PHF7: variants seen among roughly 807,000 people sequenced by gnomAD.
The protein encoded by PHF7 is E3 ubiquitin-protein ligase PHF7.
A neutral mutation model predicts 47.5 loss-of-function variants in PHF7; 24 were observed. The ratio of observed to expected loss-of-function variants is 0.51; its 90% confidence interval spans 0.37 to 0.71. PHF7 has a LOEUF of 0.71. Among genes scored for constraint, PHF7 ranks in the 30% least tolerant of loss-of-function variants. The probability of loss-of-function intolerance (pLI) is 0.00; values close to 1 mark genes in which losing one functional copy is unlikely to be tolerated. For synonymous variants in PHF7, 156 were observed against 153.8 expected (o/e 1.01, Z -0.11); for missense variants, 361 against 456.8 (o/e 0.79, Z 1.91).
In PHF7 at chr3:52,419,971, C is replaced by T. The variant is rs772684452; in HGVS notation, c.288+37C>T. On this transcript the variant is annotated intron_variant, in intron 5 of 10. Coordinates refer to ENST00000327906, the MANE Select transcript of PHF7 (RefSeq NM_016483.7). The stretch of plus-strand genomic sequence containing the variant: ...TTGAAATGAGGACCTTGGGGTAGGC[C>T]TCTTTTCATACCTCACCCATCATTC... 20 of 1,158,962 alleles carry T rather than the reference C, an allele frequency of 1.7e-5. No homozygotes were observed. In the African/African-American group the frequency reaches 2.1e-4, roughly 12 times the overall value. 71.8% of individuals were successfully genotyped at this position (1,158,962 alleles called of 1,614,324 possible).
intron 4 of PHF7, among the ~76,000 whole-genome samples, chr3:52,416,534 T>C (rs1705631488): frequency 6.7e-6 from 1 of 150,360 alleles, no homozygotes; most frequent in African/African-American, 2.4e-5. Flanking sequence ...TTTTTACCCA[T>C]TTAAAAACAC....
At chr3:52,414,741 G>T (rs1256357739) in intron 4 of PHF7, 154 bp downstream of exon 4, 1 of 420,642 alleles carries the variant, frequency 2.4e-6, no homozygotes, top group African/African-American at 2.1e-5. Flanking sequence ...GGGTGCAGTG[G>T]CTCACGCCTG....
chr3:52,414,145 C>T (rs1040620957), intron 3 of PHF7, 97 bp downstream of exon 3: 11 of 789,648 alleles, frequency 1.4e-5, no homozygotes, highest in South Asian at 7.4e-5. Flanking sequence ...TCTCTCTCTC[C>T]CAGCCCTACT....
intron 7 of PHF7, 22 bp downstream of exon 7, chr3:52,421,084 GTCCCT>G: frequency 1.9e-6 from 3 of 1,583,206 alleles, no homozygotes; most frequent in Non-Finnish European, 2.6e-6. Context: ...TCCGCCCTGG[GTCCCT>G]TCCACCATTG....
rs750223605 is a variant in PHF7 at position 52,412,860 on chromosome 3, GGA to G, written c.-11_-10del. The stretch of plus-strand genomic sequence containing the variant: ...CAATAGTATAGAAGAATTCAAGAGA[GGA>G]GAGAGAGACAGCACCGAATGAAGAC... On this transcript the variant is annotated 5_prime_UTR_variant, in exon 2 of 11. Transcript: ENST00000327906. 3.8e-6 allele frequency: 6 copies of G among 1,593,378 alleles called. No homozygotes were observed. In the Admixed American group the frequency reaches 5.0e-5, roughly 13 times the overall value.
At chr3:52,420,691 C>T (rs1366890966) in intron 6 of PHF7, among the ~76,000 whole-genome samples, 1 of 152,144 alleles carries the variant, frequency 6.6e-6, no homozygotes, top group Non-Finnish European at 1.5e-5. Flanking sequence ...CTTTCAGGAA[C>T]GAGAGGCTAT....
Position 52,423,425 on chromosome 3 carries a change from G to A in PHF7, c.*108G>A, listed in dbSNP as rs1705859019. ...ACTGTGAGACAAGGAAGCAGGGCCA[G>A]CAGTGAGACTATGAGCCAAGCAAAG... is the stretch of plus-strand genomic sequence containing the variant. On this transcript the variant is annotated 3_prime_UTR_variant, in exon 11 of 11. Transcript: ENST00000327906. The A allele has an allele frequency of 2.9e-6, 2 of 684,832 alleles. No homozygotes were observed. The highest frequency in any genetic ancestry group is 3.7e-5 in the South Asian group (2 of 53,852). 42.4% of individuals were successfully genotyped at this position (684,832 alleles called of 1,614,324 possible).
rs1705847606 is a variant in PHF7, at chr3:52,423,158, C to T, written c.987C>T (p.Phe329=). The change falls in exon 11 of 11, where the codon TTC becomes TTT. Residue 329 remains phenylalanine (F), a synonymous_variant. Coordinates refer to ENST00000327906, the MANE Select transcript of PHF7 (RefSeq NM_016483.7). ...GCACCTTCCACCCTGAGGAACATTT[C>T]TGCAGAGACAACACCTTGGAAGAGA... ...CSSTFHPEEH[F]CRDNTLEENP... is the part of the protein sequence containing the mutation. The T allele has an allele frequency of 2.5e-6, 4 of 1,614,076 alleles. No individual in the cohort carries two copies. The highest frequency in any genetic ancestry group is 3.4e-6 in the Non-Finnish European group (4 of 1,179,886).
chr3:52,420,058 C>G (rs538295053), intron 5 of PHF7, 124 bp downstream of exon 5: 1 of 736,202 alleles, frequency 1.4e-6, no homozygotes, highest in Admixed American at 2.5e-5. Flanking sequence ...GATTTTCCAA[C>G]TAGTCCTTAA....
intron 7 of PHF7, 91 bp downstream of exon 7, chr3:52,421,153 A>T: frequency 8.4e-7 from 1 of 1,195,942 alleles, no homozygotes; most frequent in Non-Finnish European, 1.2e-6. Flanking sequence ...GGTGTGCCTC[A>T]GCTTTGGTGC....
chr3:52,422,183 C>T (rs757959446), intron 8 of PHF7, 39 bp from the exon 9 acceptor site: 1 of 1,368,306 alleles, frequency 7.3e-7, no homozygotes, highest in Non-Finnish European at 1.0e-6. Context: ...TTTCACCAAC[C>T]CATTATGTTC....
chr3:52,417,357 C>T (rs1475744724), intron 4 of PHF7, among the ~76,000 whole-genome samples: 1 of 151,960 alleles, frequency 6.6e-6, no homozygotes, highest in African/African-American at 2.4e-5. Context: ...ATTGGGATTG[C>T]ATTGAATTTA....
chr3:52,422,528 G>A (rs139984515), intron 9 of PHF7, 190 bp downstream of exon 9: 7 of 646,950 alleles, frequency 1.1e-5, no homozygotes, highest in South Asian at 5.5e-5. Context: ...TGCAAGGTCC[G>A]CTTCACCTTG....
intron 4 of PHF7, among the ~76,000 whole-genome samples, chr3:52,418,698 C>T (rs934803281): frequency 2.0e-5 from 3 of 152,156 alleles, no homozygotes; most frequent in Non-Finnish European, 4.4e-5. Flanking sequence ...GAATAGCCAG[C>T]TCTGCTCCTC....
At chr3:52,415,266 G>A (rs1354692027) in intron 4 of PHF7, among the ~76,000 whole-genome samples, 1 of 151,998 alleles carries the variant, frequency 6.6e-6, no homozygotes, top group African/African-American at 2.4e-5. Context: ...GCGTGATCCC[G>A]GCTCACTGCA....
At chr3:52,422,397 T>C (rs950615285) in intron 9 of PHF7, 59 bp downstream of exon 9, 6 of 1,062,222 alleles carry the variant, frequency 5.6e-6, no homozygotes, top group South Asian at 1.3e-5. Context: ...GAGTTAGACC[T>C]TGGCACAGTT....
At chr3:52,420,539 C>G in intron 6 of PHF7, 104 bp downstream of exon 6, 1 of 1,098,260 alleles carries the variant, frequency 9.1e-7, no homozygotes, top group Non-Finnish European at 1.4e-6. Flanking sequence ...TTTTGATTCA[C>G]CAGTGAATCT....
rs1308709615 is a variant in PHF7 at position 52,420,979 on chromosome 3, T to C, written c.490T>C (p.Cys164Arg). ...GGGGGAGGAAAGCTGCATCTTATGT[T>C]GTGAAGACTTATCCCAACAGAGTGT... ...HVGEESCILC[C>R]EDLSQQSVEN... is the part of the protein sequence containing the mutation. The change falls in exon 7 of 11, where the codon TGT becomes CGT. Residue 164 changes from cysteine (C) to arginine (R), a missense_variant. Physicochemically the swap from Cys to Arg is radical, Grantham distance 180 (BLOSUM62 -3). Coordinates refer to ENST00000327906, the MANE Select transcript of PHF7 (RefSeq NM_016483.7). 1 of 1,613,740 alleles carries C rather than the reference T, an allele frequency of 6.2e-7. No homozygotes were observed. The highest frequency in any genetic ancestry group is 8.5e-7 in the Non-Finnish European group (1 of 1,179,814).
At chr3:52,422,668 G>T in intron 9 of PHF7, 92 bp from the exon 10 acceptor site, 1 of 1,329,540 alleles carries the variant, frequency 7.5e-7, no homozygotes, top group Non-Finnish European at 1.1e-6. Context: ...GGTAAAATGT[G>T]CTGTAAAAAA....
Sources: allele counts gnomAD v4.1 joint callset (sites outside exome capture counted in the v4.1 genomes callset), GRCh38; gene constraint gnomAD v4.1.1; transcripts MANE v1.5; gene names NCBI Gene and HGNC (gene_info 2026-07-23, HGNC 2026-07-21).